Variants in CTNNA3 observed in about 807,000 individuals in gnomAD.
CTNNA3 encodes catenin alpha 3, also known as catenin alpha-3.
CTNNA3 carries 76 observed loss-of-function variants against 95.7 expected under a neutral mutation model. That is an observed-to-expected ratio of 0.79 (90% CI 0.66 to 0.96). CTNNA3 has a LOEUF of 0.96. Among genes scored for constraint, CTNNA3 ranks in the 40% least tolerant of loss-of-function variants. The pLI, the probability that CTNNA3 is intolerant of heterozygous loss-of-function variation, is 0.00. For synonymous variants in CTNNA3, 431 were observed against 374.4 expected (o/e 1.15, Z -1.74); for missense variants, 1,191 against 1,089.8 (o/e 1.09, Z -1.31).
chr10:65,954,767 C>T (rs558322612), intron 17 of CTNNA3, among the ~76,000 whole-genome samples: 155 of 152,304 alleles, frequency 1.0e-3, no homozygotes, highest in Middle Eastern at 3.4e-3. Flanking sequence ...GGTACCAGTA[C>T]CATGCTGTTT....
At chr10:67,548,275 C>G (rs1357920070) in intron 3 of CTNNA3, among the ~76,000 whole-genome samples, 1 of 152,180 alleles carries the variant, frequency 6.6e-6, no homozygotes, top group African/African-American at 2.4e-5. Context: ...GAGGCCCTCA[C>G]CAGAAGCAGA....
chr10:66,815,215 C>A (rs2132274632), intron 7 of CTNNA3, among the ~76,000 whole-genome samples: 1 of 152,188 alleles, frequency 6.6e-6, no homozygotes, highest in East Asian at 1.9e-4. Context: ...AGAAATTAAT[C>A]AAAGACTTGC....
intron 15 of CTNNA3, among the ~76,000 whole-genome samples, chr10:65,992,007 C>T (rs1023003526): frequency 6.6e-6 from 1 of 151,960 alleles, no homozygotes; most frequent in Non-Finnish European, 1.5e-5. Flanking sequence ...TTGAGATGAT[C>T]ACATTTTTTA....
At position 66,478,288 on chromosome 10, in the gene CTNNA3, G is replaced by A. The variant is rs539110322; in HGVS notation, c.1531+42329C>T. 1.1e-4 allele frequency among the ~76,000 whole-genome samples: 17 copies of A among 152,076 alleles called. No individual in the cohort carries two copies. The South Asian group carries it at 3.5e-3, about 32-fold the overall frequency. ...AGTGTCTATTGGTAGTATGTGTGAA[G>A]TATATCTTTACACTGACAATGAGAT... On this transcript the variant is annotated intron_variant, in intron 11 of 17. Coordinates refer to ENST00000433211, the MANE Select transcript of CTNNA3 (RefSeq NM_013266.4).
chr10:66,896,757 A>G (rs796752303), intron 7 of CTNNA3, among the ~76,000 whole-genome samples: 7 of 152,158 alleles, frequency 4.6e-5, no homozygotes, highest in African/African-American at 1.7e-4. Flanking sequence ...TTCATCATCC[A>G]TGGGACTTCT....
chr10:66,476,097 T>G (rs1375559132), intron 11 of CTNNA3, among the ~76,000 whole-genome samples: 1 of 151,952 alleles, frequency 6.6e-6, no homozygotes, highest in Non-Finnish European at 1.5e-5. Context: ...TCATCCTTAG[T>G]AAACCAAGGC....
At chr10:66,745,328 A>G (rs567373709) in intron 9 of CTNNA3, among the ~76,000 whole-genome samples, 1 of 152,300 alleles carries the variant, frequency 6.6e-6, no homozygotes, top group South Asian at 2.1e-4. Context: ...GGCCAAGGTC[A>G]AACAGTAAAC....
At chr10:66,133,895 C>G (rs2083237010) in intron 13 of CTNNA3, among the ~76,000 whole-genome samples, 1 of 46,384 alleles carries the variant, frequency 2.2e-5, no homozygotes, top group African/African-American at 1.0e-4. Context: ...TTTTAAAAAT[C>G]TAACTTAATA....
At chr10:66,472,946 T>C (rs1911295) in intron 11 of CTNNA3, among the ~76,000 whole-genome samples, 9,391 of 152,048 alleles carry the variant, frequency 0.062, 602 homozygotes, top group African/African-American at 0.16. Context: ...AAAAAAGTTT[T>C]ATAAAATGAC....
intron 9 of CTNNA3, among the ~76,000 whole-genome samples, chr10:66,654,805 T>A (rs900942365): frequency 6.6e-6 from 1 of 152,082 alleles, no homozygotes; most frequent in Non-Finnish European, 1.5e-5. Context: ...TCATTTGAGA[T>A]GACATGGATC....
intron 1 of CTNNA3, among the ~76,000 whole-genome samples, chr10:67,675,298 GT>G (rs1216080139): frequency 2.6e-5 from 4 of 152,064 alleles, no homozygotes; most frequent in Non-Finnish European, 5.9e-5. Flanking sequence ...TACCACTGAG[GT>G]TTAGAACTCA....
At chr10:67,589,730 G>T (rs1331547978) in intron 3 of CTNNA3, among the ~76,000 whole-genome samples, 2 of 152,090 alleles carry the variant, frequency 1.3e-5, no homozygotes, top group Non-Finnish European at 2.9e-5. Flanking sequence ...TTTAGTAGTT[G>T]AAAGCAAAAG....
chr10:66,413,935 G>T (rs1045339971), intron 11 of CTNNA3, among the ~76,000 whole-genome samples: 3 of 152,124 alleles, frequency 2.0e-5, no homozygotes, highest in Non-Finnish European at 4.4e-5. Flanking sequence ...ATACAGAAAA[G>T]AATATAGGAC....
chr10:67,205,950 G>C (rs2132225482), intron 6 of CTNNA3, among the ~76,000 whole-genome samples: 1 of 152,260 alleles, frequency 6.6e-6, no homozygotes, highest in Admixed American at 6.5e-5. Flanking sequence ...AATCTTGGGA[G>C]AATGTCTTTC....
At chr10:66,302,977 A>C (rs977722718) in intron 12 of CTNNA3, among the ~76,000 whole-genome samples, 11 of 152,176 alleles carry the variant, frequency 7.2e-5, no homozygotes, top group Non-Finnish European at 1.5e-4. Context: ...ATTAGATATA[A>C]GCTTCTCAAC....
At chr10:66,579,101 A>C (rs1843101914) in intron 10 of CTNNA3, among the ~76,000 whole-genome samples, 1 of 151,116 alleles carries the variant, frequency 6.6e-6, no homozygotes, top group East Asian at 1.9e-4. Context: ...AATTTCTTTC[A>C]GTTTTTCTAG....
At chr10:66,582,359 C>T (rs1395011744) in intron 10 of CTNNA3, among the ~76,000 whole-genome samples, 1 of 151,674 alleles carries the variant, frequency 6.6e-6, no homozygotes, top group East Asian at 1.9e-4. Flanking sequence ...ACTACACCTC[C>T]TTGGTTAAGT....
intron 9 of CTNNA3, among the ~76,000 whole-genome samples, chr10:66,749,009 CA>C (rs61130950): frequency 1.7e-3 from 239 of 138,074 alleles, no homozygotes; most frequent in Admixed American, 1.7e-3. Flanking sequence ...CCATCTCTTC[CA>C]AAAAAAAAAA....
intron 5 of CTNNA3, among the ~76,000 whole-genome samples, chr10:67,416,806 A>T (rs1845562406): frequency 6.6e-6 from 1 of 152,084 alleles, no homozygotes; most frequent in Admixed American, 6.5e-5. Flanking sequence ...CAACAGATGC[A>T]GAGGCTGCAG....
Sources: gnomAD v4.1 joint callset for allele counts (sites outside exome capture counted in the v4.1 genomes callset) on GRCh38, gnomAD v4.1.1 for gene constraint, MANE v1.5 for transcripts, NCBI Gene and HGNC (gene_info 2026-07-23, HGNC 2026-07-21) for gene names.